LINGO2: variants seen among roughly 807,000 people sequenced by gnomAD.
LINGO2 encodes the protein leucine rich repeat and Ig domain containing 2, also known as leucine-rich repeat and immunoglobulin-like domain-containing nogo receptor-interacting protein 2.
LINGO2 carries 14 observed loss-of-function variants against 30.6 expected under a neutral mutation model. The ratio of observed to expected loss-of-function variants is 0.46; its 90% confidence interval spans 0.30 to 0.72. LINGO2 has a LOEUF of 0.72. Ranked by LOEUF, LINGO2 falls within the 30% of genes least tolerant of loss-of-function variation. The probability of loss-of-function intolerance (pLI) is 0.07; values close to 1 mark genes in which losing one functional copy is unlikely to be tolerated. For missense variants in LINGO2, 729 were observed against 751.7 expected, an observed-to-expected ratio of 0.97 and a Z score of 0.35; for synonymous variants, 317 against 288.5, an observed-to-expected ratio of 1.10 and a Z score of -1.00.
chr9:28,538,216 T>C (rs2135450941), intron 1 of LINGO2, among the ~76,000 whole-genome samples: 1 of 151,656 alleles, frequency 6.6e-6, no homozygotes, highest in South Asian at 2.1e-4. Context: ...AATAGTGGAG[T>C]ATAAAATAAA....
At chr9:28,014,474 C>T (rs936432154) in intron 4 of LINGO2, among the ~76,000 whole-genome samples, 12 of 152,166 alleles carry the variant, frequency 7.9e-5, no homozygotes, top group African/African-American at 2.2e-4. Context: ...CACTCTTAAC[C>T]ATCCTACTAT....
the LINGO2 span, among the ~76,000 whole-genome samples, chr9:28,938,899 G>A: frequency 3.3e-5 from 5 of 152,062 alleles, no homozygotes; most frequent in African/African-American, 9.7e-5. Flanking sequence ...AATATGTAAT[G>A]TTAAGAAATA....
intron 1 of LINGO2, among the ~76,000 whole-genome samples, chr9:28,521,009 T>C (rs1310522198): frequency 2.0e-5 from 3 of 152,168 alleles, no homozygotes. Flanking sequence ...GTGTAAAATG[T>C]TTAAATCCCT....
At chr9:28,014,633 T>C (rs1249522913) in intron 4 of LINGO2, among the ~76,000 whole-genome samples, 1 of 152,320 alleles carries the variant, frequency 6.6e-6, no homozygotes, top group African/African-American at 2.4e-5. Flanking sequence ...TTATGCATAG[T>C]GTGCTATAAA....
intron 2 of LINGO2, among the ~76,000 whole-genome samples, chr9:28,426,461 G>T (rs1321032946): frequency 6.6e-6 from 1 of 152,016 alleles, no homozygotes; most frequent in African/African-American, 2.4e-5. Context: ...TAATTTGGAA[G>T]GTAAAAAGGA....
intron 1 of LINGO2, among the ~76,000 whole-genome samples, chr9:28,596,257 T>G (rs563482482): frequency 6.6e-6 from 1 of 152,174 alleles, no homozygotes; most frequent in Non-Finnish European, 1.5e-5. Flanking sequence ...GAAGAGGATT[T>G]GCCACAAATT....
At chr9:27,958,365 GTAGTTTTTC>G (rs1563856122) in intron 5 of LINGO2, among the ~76,000 whole-genome samples, 1 of 152,018 alleles carries the variant, frequency 6.6e-6, no homozygotes, top group African/African-American at 2.4e-5. Flanking sequence ...TATTTGGTCA[GTAGTTTTTC>G]TACTTCGTGA....
At chr9:28,326,623 C>T (rs1027626097) in intron 3 of LINGO2, among the ~76,000 whole-genome samples, 5 of 152,174 alleles carry the variant, frequency 3.3e-5, no homozygotes, top group African/African-American at 1.2e-4. Context: ...TGGCATCGTT[C>T]ACTGTTTTGC....
the LINGO2 span, among the ~76,000 whole-genome samples, chr9:28,700,319 G>C: frequency 6.6e-6 from 1 of 151,796 alleles, no homozygotes; most frequent in Non-Finnish European, 1.5e-5. Context: ...CTTAGCTATT[G>C]GTAACCACCA....
At chr9:28,354,770 C>T (rs1158085651) in intron 3 of LINGO2, among the ~76,000 whole-genome samples, 1 of 152,114 alleles carries the variant, frequency 6.6e-6, no homozygotes, top group Non-Finnish European at 1.5e-5. Flanking sequence ...TAAGTTCATA[C>T]AGAAAACTCT....
the LINGO2 span, among the ~76,000 whole-genome samples, chr9:28,790,506 T>C: frequency 6.8e-6 from 1 of 147,020 alleles, no homozygotes; most frequent in East Asian, 2.0e-4. Context: ...TTTTTTGTAT[T>C]TTTTTTTTTA....
the LINGO2 span, among the ~76,000 whole-genome samples, chr9:28,868,696 C>G: frequency 6.6e-6 from 1 of 152,084 alleles, no homozygotes; most frequent in Non-Finnish European, 1.5e-5. Context: ...CTTATTATTT[C>G]TCTCATTAAT....
the LINGO2 span, among the ~76,000 whole-genome samples, chr9:29,198,883 TG>T: frequency 6.6e-6 from 1 of 152,098 alleles, no homozygotes; most frequent in African/African-American, 2.4e-5. Flanking sequence ...CGCATGTAAC[TG>T]GACGAAAATG....
intron 5 of LINGO2, among the ~76,000 whole-genome samples, chr9:27,969,182 G>A (rs1313381524): frequency 6.6e-6 from 1 of 152,042 alleles, no homozygotes; most frequent in African/African-American, 2.4e-5. Context: ...CTTACATAAA[G>A]AAATGAATCC....
intron 4 of LINGO2, among the ~76,000 whole-genome samples, chr9:28,107,511 T>TGAGA (rs1382932515): frequency 6.6e-6 from 1 of 152,172 alleles, no homozygotes; most frequent in Non-Finnish European, 1.5e-5. Context: ...TAAAAATCTA[T>TGAGA]GACTCTCTCT....
At chr9:28,304,396 T>C (rs1197615526) in intron 3 of LINGO2, among the ~76,000 whole-genome samples, 1 of 151,664 alleles carries the variant, frequency 6.6e-6, no homozygotes, top group East Asian at 1.9e-4. Flanking sequence ...ATATATGTAA[T>C]TAAATGTTGT....
intron 4 of LINGO2, among the ~76,000 whole-genome samples, chr9:28,015,979 G>A (rs1164280801): frequency 1.1e-5 from 1 of 92,736 alleles, no homozygotes; most frequent in African/African-American, 3.9e-5. Flanking sequence ...TAACCGTTAT[G>A]AAGGAAAAGT....
At chr9:29,034,312 C>T in the LINGO2 span, among the ~76,000 whole-genome samples, 16 of 152,158 alleles carry the variant, frequency 1.1e-4, no homozygotes, top group South Asian at 3.3e-3. Flanking sequence ...GTATTGAATA[C>T]ATAGCATGAT....
chr9:28,052,547 C>G (rs1824725333), intron 4 of LINGO2, among the ~76,000 whole-genome samples: 1 of 151,990 alleles, frequency 6.6e-6, no homozygotes, highest in Admixed American at 6.6e-5. Flanking sequence ...ACTGCACAGC[C>G]CAAGCCAGTC....
Sources: gnomAD v4.1 joint callset for allele counts (sites outside exome capture counted in the v4.1 genomes callset) on GRCh38, gnomAD v4.1.1 for gene constraint, MANE v1.5 for transcripts, NCBI Gene and HGNC (gene_info 2026-07-23, HGNC 2026-07-21) for gene names.